The following SLC39A11 variants were observed in gnomAD, a reference collection of about 807,000 sequenced individuals.
The protein encoded by SLC39A11 is zinc transporter ZIP11.
In SLC39A11, 33 loss-of-function variants were observed where a neutral mutation model predicts 36.1. The ratio of observed to expected loss-of-function variants is 0.91; its 90% CI spans 0.69 to 1.22. SLC39A11 has a LOEUF of 1.22. SLC39A11 is among the 50% of genes most tolerant of loss of function. The pLI is 0.00. For missense variants in SLC39A11, 432 were observed against 430.3 expected (o/e 1.00, Z -0.03); for synonymous variants, 166 against 170.3 (o/e 0.97, Z 0.20).
chr17:72,779,388 G>C (rs574948521), intron 6 of SLC39A11, among the ~76,000 whole-genome samples: 4 of 152,232 alleles, frequency 2.6e-5, no homozygotes, highest in African/African-American at 9.6e-5. Flanking sequence ...TTGGACCATT[G>C]CACTGCAGCC....
intron 6 of SLC39A11, among the ~76,000 whole-genome samples, chr17:72,811,323 C>T (rs1475623349): frequency 6.6e-6 from 1 of 152,156 alleles, no homozygotes. Flanking sequence ...TAGGGCCCCA[C>T]CATTATGACC....
chr17:72,730,781 C>T (rs1396585446), intron 7 of SLC39A11, among the ~76,000 whole-genome samples: 1 of 152,110 alleles, frequency 6.6e-6, no homozygotes, highest in Non-Finnish European at 1.5e-5. Context: ...TGCCTCAGCC[C>T]CCTGAGTAGA....
chr17:72,687,796 G>A (rs1332758449), intron 7 of SLC39A11, among the ~76,000 whole-genome samples: 2 of 152,212 alleles, frequency 1.3e-5, no homozygotes, highest in African/African-American at 2.4e-5. Flanking sequence ...CCGGCTGGAT[G>A]CTCTATAGGT....
chr17:72,959,327 A>G (rs913645224), intron 4 of SLC39A11, among the ~76,000 whole-genome samples: 1,252 of 37,242 alleles, frequency 0.034, 10 homozygotes, highest in African/African-American at 0.13. Context: ...GTGTGTGTGT[A>G]TATATATATA....
At chr17:73,056,653 G>C (rs1229329143) in intron 3 of SLC39A11, among the ~76,000 whole-genome samples, 1 of 152,084 alleles carries the variant, frequency 6.6e-6, no homozygotes, top group Non-Finnish European at 1.5e-5. Context: ...TGCCTGCCTG[G>C]GTCAAACAAG....
At chr17:72,757,706 G>A (rs77533035) in intron 6 of SLC39A11, among the ~76,000 whole-genome samples, 6,905 of 150,486 alleles carry the variant, frequency 0.046, 179 homozygotes, top group Non-Finnish European at 0.056. Context: ...CTCCTCATGC[G>A]TCATTTCTCA....
chr17:73,021,809 C>T (rs1287342720), intron 4 of SLC39A11, among the ~76,000 whole-genome samples: 3 of 152,204 alleles, frequency 2.0e-5, no homozygotes, highest in African/African-American at 2.4e-5. Context: ...GTTCTACCCA[C>T]GGAGAAGGAA....
chr17:72,728,043 G>A (rs1368892052), intron 7 of SLC39A11, among the ~76,000 whole-genome samples: 9 of 152,180 alleles, frequency 5.9e-5, no homozygotes, highest in Non-Finnish European at 1.3e-4. Context: ...AACAGACAGG[G>A]CACAAGCAAG....
At chr17:72,858,305 T>C (rs1014359486) in intron 5 of SLC39A11, among the ~76,000 whole-genome samples, 1 of 152,204 alleles carries the variant, frequency 6.6e-6, no homozygotes, top group South Asian at 2.1e-4. Flanking sequence ...GCCTTATATA[T>C]GGGTTTTCTA....
At chr17:72,800,055 G>A (rs769683674) in intron 6 of SLC39A11, among the ~76,000 whole-genome samples, 12 of 151,792 alleles carry the variant, frequency 7.9e-5, no homozygotes, top group Non-Finnish European at 1.0e-4. Context: ...TTTCTCAGCC[G>A]GCCGACACTT....
intron 5 of SLC39A11, among the ~76,000 whole-genome samples, chr17:72,921,432 C>T (rs1307474708): frequency 6.6e-6 from 1 of 152,002 alleles, no homozygotes; most frequent in Non-Finnish European, 1.5e-5. Flanking sequence ...ACAGCTACAA[C>T]CTAAAGCATG....
chr17:72,801,973 G>C (rs569346939), intron 6 of SLC39A11, among the ~76,000 whole-genome samples: 3 of 152,134 alleles, frequency 2.0e-5, no homozygotes, highest in Non-Finnish European at 2.9e-5. Context: ...AAAATATACC[G>C]AGTCATCTGT....
rs553562518 is a variant in SLC39A11 at position 72,709,419 on chromosome 17, T to C, written c.671+27231A>G. ...GGCTTGAGCTCTTTCTTGATAGGTGTGCTCACCAATTGGCCCAGGTGTGGA... is the reference window on the plus strand; with the variant it reads ...GGCTTGAGCTCTTTCTTGATAGGTGCGCTCACCAATTGGCCCAGGTGTGGA... On this transcript the variant is annotated intron_variant, in intron 7 of 9. Transcript: ENST00000255559. Among the ~76,000 whole-genome samples the C allele has an allele frequency of 2.6e-5, 4 of 152,322 alleles. No individual in the cohort carries two copies. The South Asian group carries it at 8.3e-4, about 32-fold the overall frequency.
intron 2 of SLC39A11, among the ~76,000 whole-genome samples, chr17:73,085,929 C>T (rs1421369888): frequency 6.6e-6 from 1 of 152,190 alleles, no homozygotes; most frequent in Admixed American, 6.5e-5. Flanking sequence ...GGAACGCACA[C>T]ACATACTACA....
intron 6 of SLC39A11, among the ~76,000 whole-genome samples, chr17:72,740,282 G>A (rs1383165561): frequency 6.6e-6 from 1 of 151,866 alleles, no homozygotes; most frequent in Admixed American, 6.6e-5. Flanking sequence ...AGCCAGGATG[G>A]TCTTGATCTC....
intron 3 of SLC39A11, among the ~76,000 whole-genome samples, chr17:73,039,250 TC>T (rs368963468): frequency 2.3e-3 from 344 of 152,204 alleles, no homozygotes; most frequent in Non-Finnish European, 3.8e-3. Flanking sequence ...TTCATCCCTC[TC>T]CCCGTATGCC....
intron 6 of SLC39A11, among the ~76,000 whole-genome samples, chr17:72,751,980 T>C (rs747109647): frequency 1.6e-4 from 25 of 152,100 alleles, no homozygotes; most frequent in Admixed American, 3.9e-4. Flanking sequence ...ATCCTTCTAC[T>C]TCCTGCCTCT....
chr17:73,012,609 T>C (rs61359243), intron 4 of SLC39A11, among the ~76,000 whole-genome samples: 11,049 of 151,828 alleles, frequency 0.073, 1,344 homozygotes, highest in African/African-American at 0.25. Flanking sequence ...TATTGTGTGA[T>C]GCTAAGGTTA....
At chr17:72,673,471 T>C (rs1479141924) in intron 7 of SLC39A11, among the ~76,000 whole-genome samples, 3 of 152,348 alleles carry the variant, frequency 2.0e-5, no homozygotes, top group African/African-American at 4.8e-5. Context: ...ATGTATCTTA[T>C]TTATTTAATC....
Sources: gnomAD v4.1 joint callset for allele counts (sites outside exome capture counted in the v4.1 genomes callset) on GRCh38, gnomAD v4.1.1 for gene constraint, MANE v1.5 for transcripts, NCBI Gene and HGNC (gene_info 2026-07-23, HGNC 2026-07-21) for gene names.